Variants in PCDH15 observed in about 807,000 individuals in gnomAD.
The protein encoded by PCDH15 is protocadherin related 15, also known as protocadherin-15.
Under a neutral mutation model 178.5 loss-of-function variants are expected in PCDH15, and 129 were observed. The ratio of observed to expected loss-of-function variants is 0.72; its 90% CI spans 0.63 to 0.84. PCDH15 has a LOEUF of 0.84. Among genes scored for constraint, PCDH15 ranks in the 40% least tolerant of loss-of-function variants. The pLI is 0.00. For synonymous variants in PCDH15, 800 were observed against 732.0 expected (o/e 1.09, Z -1.50); for missense variants, 2,230 against 2,099.9 (o/e 1.06, Z -1.21).
chr10:55,586,001 G>A (rs938180324), intron 2 of PCDH15, among the ~76,000 whole-genome samples: 3 of 152,034 alleles, frequency 2.0e-5, no homozygotes, highest in African/African-American at 7.2e-5. Context: ...TCTCACTTAT[G>A]TGTATGAATT....
At chr10:55,458,679 AG>A (rs887700440) in intron 2 of PCDH15, among the ~76,000 whole-genome samples, 1 of 152,050 alleles carries the variant, frequency 6.6e-6, no homozygotes, top group African/African-American at 2.4e-5. Context: ...AAATATCTAA[AG>A]GGGTGAAACC....
intron 3 of PCDH15, among the ~76,000 whole-genome samples, chr10:54,469,256 C>T (rs1176657892): frequency 6.6e-6 from 1 of 152,088 alleles, no homozygotes; most frequent in Admixed American, 6.5e-5. Flanking sequence ...ACCACCACAT[C>T]CGGCTAATTT....
At chr10:55,165,840 T>C (rs1839183342) in intron 2 of PCDH15, among the ~76,000 whole-genome samples, 1 of 152,118 alleles carries the variant, frequency 6.6e-6, no homozygotes, top group Admixed American at 6.6e-5. Flanking sequence ...TTTTTATTTA[T>C]AAATTTTATT....
chr10:55,542,401 ATATG>A (rs1347547661), intron 2 of PCDH15, among the ~76,000 whole-genome samples: 1 of 150,922 alleles, frequency 6.6e-6, no homozygotes, highest in Non-Finnish European at 1.5e-5. Context: ...ACATGGATAC[ATATG>A]TATATGTACA....
chr10:53,940,752 G>A (rs2085986528), intron 24 of PCDH15, 114 bp downstream of exon 24: 7 of 803,722 alleles, frequency 8.7e-6, no homozygotes, highest in African/African-American at 3.4e-5. Context: ...TTTAAGATGG[G>A]CACAATTTTA....
intron 3 of PCDH15, among the ~76,000 whole-genome samples, chr10:54,875,997 G>C (rs1395486278): frequency 6.6e-6 from 1 of 152,132 alleles, no homozygotes; most frequent in Non-Finnish European, 1.5e-5. Context: ...AAGAGGAGAA[G>C]TCAATGCTTG....
intron 2 of PCDH15, among the ~76,000 whole-genome samples, chr10:55,586,281 A>T (rs1842725957): frequency 6.6e-6 from 1 of 151,906 alleles, no homozygotes; most frequent in African/African-American, 2.4e-5. Flanking sequence ...CCATAATTCA[A>T]ATATTATTTC....
chr10:55,348,926 T>A (rs113365850), intron 2 of PCDH15, among the ~76,000 whole-genome samples: 112 of 152,264 alleles, frequency 7.4e-4, no homozygotes, highest in African/African-American at 2.5e-3. Flanking sequence ...AGTAATTTCC[T>A]TATTAATGGC....
upstream of PCDH15, among the ~76,000 whole-genome samples, chr10:54,805,628 C>G (rs1362241956): frequency 6.6e-6 from 1 of 152,146 alleles, no homozygotes; most frequent in East Asian, 1.9e-4. Flanking sequence ...AACCCTAGCA[C>G]TTACCTGTTT....
At chr10:54,197,238 G>A (rs11816562) in intron 10 of PCDH15, among the ~76,000 whole-genome samples, 33,990 of 151,354 alleles carry the variant, frequency 0.22, 5,737 homozygotes, top group African/African-American at 0.48. Context: ...AAAAATTTCT[G>A]TTTCTAACAC....
intron 15 of PCDH15, among the ~76,000 whole-genome samples, chr10:54,113,393 G>C (rs1461066024): frequency 1.3e-5 from 2 of 152,060 alleles, no homozygotes; most frequent in African/African-American, 4.8e-5. Context: ...CATTCTCTGA[G>C]GCAGCAAAAC....
At chr10:55,314,749 A>G (rs926508752) in intron 1 of PCDH15, among the ~76,000 whole-genome samples, 5 of 152,174 alleles carry the variant, frequency 3.3e-5, no homozygotes, top group African/African-American at 1.2e-4. Flanking sequence ...ACGTTTTTCC[A>G]CATCTAAGTT....
At chr10:55,290,580 C>A (rs749888084) in intron 1 of PCDH15, among the ~76,000 whole-genome samples, 1 of 152,118 alleles carries the variant, frequency 6.6e-6, no homozygotes, top group Non-Finnish European at 1.5e-5. Context: ...CCAACTCCAA[C>A]CTCTTTAATA....
intron 9 of PCDH15, among the ~76,000 whole-genome samples, chr10:54,219,892 T>C (rs935265285): frequency 2.6e-5 from 4 of 152,056 alleles, no homozygotes; most frequent in Non-Finnish European, 5.9e-5. Flanking sequence ...TAAAATTATA[T>C]ATTTTTTCAA....
intron 2 of PCDH15, among the ~76,000 whole-genome samples, chr10:55,437,269 C>T (rs1009187370): frequency 6.6e-6 from 1 of 152,154 alleles, no homozygotes; most frequent in Non-Finnish European, 1.5e-5. Flanking sequence ...AGCAGAGAAT[C>T]AGGCAGGGCA....
chr10:54,673,078 A>T (rs1471534300), intron 1 of PCDH15, among the ~76,000 whole-genome samples: 2 of 151,390 alleles, frequency 1.3e-5, no homozygotes, highest in African/African-American at 2.4e-5. Flanking sequence ...ATGTCATTTA[A>T]AAAAAAAATT....
intron 2 of PCDH15, among the ~76,000 whole-genome samples, chr10:54,559,986 G>A (rs1476551969): frequency 6.6e-6 from 1 of 151,374 alleles, no homozygotes; most frequent in Admixed American, 6.6e-5. Flanking sequence ...GTCATAATGT[G>A]TCATAATGTC....
intron 3 of PCDH15, among the ~76,000 whole-genome samples, chr10:54,499,405 CA>C (rs1415222723): frequency 6.6e-6 from 1 of 151,998 alleles, no homozygotes; most frequent in African/African-American, 2.4e-5. Context: ...ACTCTAAGAT[CA>C]ACCACATGCT....
intron 3 of PCDH15, among the ~76,000 whole-genome samples, chr10:54,468,069 T>C (rs1159862589): frequency 6.6e-6 from 1 of 151,790 alleles, no homozygotes; most frequent in Non-Finnish European, 1.5e-5. Flanking sequence ...ATTAGTCTAG[T>C]GAGCAGTTTA....
Sources: gnomAD v4.1 joint callset for allele counts (sites outside exome capture counted in the v4.1 genomes callset) on GRCh38, gnomAD v4.1.1 for gene constraint, MANE v1.5 for transcripts, NCBI Gene and HGNC (gene_info 2026-07-23, HGNC 2026-07-21) for gene names.